Variants in LRRC42 observed in about 807,000 individuals in gnomAD.
LRRC42 encodes the protein leucine-rich repeat-containing protein 42.
In LRRC42, 43 loss-of-function variants were observed where a neutral mutation model predicts 44.3. That is an observed-to-expected ratio of 0.97 (90% CI 0.76 to 1.25). LRRC42 has a LOEUF of 1.25. LRRC42 is among the 50% of genes most tolerant of loss of function. LRRC42 has a pLI of 0.00. For synonymous variants in LRRC42, 207 were observed against 195.2 expected (o/e 1.06, Z -0.50); for missense variants, 540 against 509.1 (o/e 1.06, Z -0.58).
intron 2 of LRRC42, among the ~76,000 whole-genome samples, chr1:53,951,586 G>A (rs1654681696): frequency 6.6e-6 from 1 of 152,088 alleles, no homozygotes; most frequent in Non-Finnish European, 1.5e-5. Flanking sequence ...TACCACGCTC[G>A]GCTAATTTTT....
chr1:53,947,037 A>T (rs1200391094), intron 1 of LRRC42, among the ~76,000 whole-genome samples: 2 of 149,444 alleles, frequency 1.3e-5, no homozygotes, highest in African/African-American at 4.9e-5. Flanking sequence ...GGATGGAGAG[A>T]TTGGGGTCCT....
chr1:53,962,308 G>T lies in LRRC42; in HGVS notation c.826G>T (p.Val276Phe), dbSNP rs763407640. ...SGTGLKDIKT[V>F]KHKLQTHIGL... ...TCTGCCTCACTAGGACATCAAAACC[G>T]TCAAGCACAAGCTCCAGACCCACAT... Residue 276 changes from valine to phenylalanine, a missense_variant, in exon 7 of 9, where the codon GTC (valine) becomes TTC (phenylalanine). By Grantham distance (50) the Val-to-Phe change is conservative. Coordinates refer to ENST00000371370, the MANE Select transcript of LRRC42 (RefSeq NM_001256409.2). 1 of 1,613,528 alleles carries T rather than the reference G, an allele frequency of 6.2e-7. No homozygotes were observed. The highest frequency in any genetic ancestry group is 1.3e-5 in the African/African-American group (1 of 74,934).
At chr1:53,963,584 G>T (rs973344412) in intron 7 of LRRC42, among the ~76,000 whole-genome samples, 1 of 152,210 alleles carries the variant, frequency 6.6e-6, no homozygotes, top group Non-Finnish European at 1.5e-5. Context: ...ACACCTAGCA[G>T]CCTGGCCTGA....
chr1:53,950,953 A>G (rs749995312), intron 2 of LRRC42, among the ~76,000 whole-genome samples: 1 of 152,232 alleles, frequency 6.6e-6, no homozygotes, highest in African/African-American at 2.4e-5. Flanking sequence ...TGGTCTTTGT[A>G]AAGTTTAGCA....
At chr1:53,946,816 G>A (rs995051860) in intron 1 of LRRC42, among the ~76,000 whole-genome samples, 3 of 151,816 alleles carry the variant, frequency 2.0e-5, no homozygotes, top group African/African-American at 7.3e-5. Flanking sequence ...GTGGACTCGG[G>A]GAGAGGCATG....
intron 2 of LRRC42, among the ~76,000 whole-genome samples, chr1:53,951,239 C>T (rs1270919366): frequency 6.6e-6 from 1 of 152,260 alleles, no homozygotes; most frequent in East Asian, 1.9e-4. Context: ...GGCTTTATCA[C>T]ATTCCATGGT....
At position 53,952,010 on chromosome 1, in the gene LRRC42, A is replaced by C; in HGVS notation, c.11A>C (p.Tyr4Ser). Residue 4 changes from tyrosine to serine, a missense_variant, in exon 3 of 9, where the codon TAC (tyrosine) becomes TCC (serine). Tyr to Ser is a moderately radical substitution (Grantham distance 144, BLOSUM62 -2). Transcript: ENST00000371370. ...GTTGCAACCAAGGCAATGTCTTACTACCTCAGCTCAGAAAACCACCTGGAC... is the reference window on the plus strand; with the variant it reads ...GTTGCAACCAAGGCAATGTCTTACTCCCTCAGCTCAGAAAACCACCTGGAC... MSYYLSSENHLDPG... is the reference protein window; with the variant it reads MSYSLSSENHLDPG... 3.7e-6 allele frequency: 6 copies of C among 1,613,356 alleles called. No individual in the cohort carries two copies. Among genetic ancestry groups the C allele is most frequent in the Non-Finnish European group, 5.1e-6 (6 of 1,179,818 alleles).
In LRRC42 at chr1:53,967,840, T is replaced by G; in HGVS notation, c.1188T>G (p.Phe396Leu). 6.2e-7 allele frequency: 1 copy of G among 1,614,002 alleles called. No homozygotes were observed. Among genetic ancestry groups the G allele is most frequent in the East Asian group, 2.2e-5 (1 of 44,886 alleles). The change falls in exon 9 of 9, where the codon TTT becomes TTG. Residue 396 changes from phenylalanine to leucine, a missense_variant. Transcript: ENST00000371370. ...QESKKSKKRP[F>L]EESETEQNNS... ...CAAAGAAGAGCAAGAAGAGACCTTTTGAGGAGTCAGAGACAGAACAGAATA... is the reference window on the plus strand; with the variant it reads ...CAAAGAAGAGCAAGAAGAGACCTTTGGAGGAGTCAGAGACAGAACAGAATA...
intron 3 of LRRC42, among the ~76,000 whole-genome samples, chr1:53,955,722 G>A (rs575146792): frequency 6.9e-5 from 10 of 145,022 alleles, no homozygotes; most frequent in South Asian, 6.6e-4. Context: ...TCCACCTCCC[G>A]GGTTCACGCA....
chr1:53,953,337 A>AT (rs1398028443), intron 3 of LRRC42, among the ~76,000 whole-genome samples: 1 of 152,134 alleles, frequency 6.6e-6, no homozygotes, highest in Non-Finnish European at 1.5e-5. Context: ...TTTGAAAATC[A>AT]TTTATCATCA....
intron 3 of LRRC42, among the ~76,000 whole-genome samples, chr1:53,956,312 T>C (rs1361677776): frequency 6.6e-6 from 1 of 152,242 alleles, no homozygotes. Context: ...TGATTTTTAA[T>C]CCCACTGGTG....
Position 53,958,139 on chromosome 1 carries a change from C to T in LRRC42, c.474-10C>T, listed in dbSNP as rs193163627. On this transcript the variant is annotated splice_polypyrimidine_tract_variant and intron_variant, in intron 3 of 8. Coordinates refer to ENST00000371370, the MANE Select transcript of LRRC42 (RefSeq NM_001256409.2). ...AGGGGAAGCTATTGATTGCTCTCCA[C>T]GCTCCGTAGGTATCTCGTGATTTCA... 161 of 1,613,098 alleles carry T rather than the reference C, an allele frequency of 1.0e-4. No homozygotes were observed. The East Asian group carries it at 2.4e-3, about 24-fold the overall frequency.
At position 53,968,047 on chromosome 1, in the gene LRRC42, G is replaced by A; in HGVS notation, c.*108G>A. The stretch of plus-strand genomic sequence containing the variant: ...TGAATTTACCTATGGCATTAGCATA[G>A]TAAGCAGATATTTCTACTTTTGTGG... On this transcript the variant is annotated 3_prime_UTR_variant, in exon 9 of 9. Coordinates refer to ENST00000371370, the MANE Select transcript of LRRC42 (RefSeq NM_001256409.2). 1 of 1,166,570 alleles carries A rather than the reference G, an allele frequency of 8.6e-7. No homozygotes were observed. The highest frequency in any genetic ancestry group is 1.5e-5 in the South Asian group (1 of 65,772). 72.3% of individuals were successfully genotyped at this position (1,166,570 alleles called of 1,614,324 possible).
chr1:53,958,095 T>C, intron 3 of LRRC42, 54 bp from the exon 4 acceptor site: 1 of 1,604,624 alleles, frequency 6.2e-7, no homozygotes, highest in South Asian at 1.1e-5. Context: ...CCACAAATGG[T>C]AATGCTTTAA....
chr1:53,954,708 C>T (rs1013542165), intron 3 of LRRC42, among the ~76,000 whole-genome samples: 7 of 152,270 alleles, frequency 4.6e-5, no homozygotes, highest in East Asian at 1.9e-4. Flanking sequence ...TTGAAAACGC[C>T]GTTTATCCAT....
intron 3 of LRRC42, among the ~76,000 whole-genome samples, chr1:53,953,358 AT>A (rs974799201): frequency 6.6e-6 from 1 of 151,602 alleles, no homozygotes; most frequent in Non-Finnish European, 1.5e-5. Context: ...ATACTTGTAG[AT>A]TTTTTTTTGT....
Position 53,960,491 on chromosome 1 carries a change from A to G in LRRC42, c.724+17A>G, listed in dbSNP as rs1161813186. On this transcript the variant is annotated intron_variant, in intron 5 of 8. Coordinates refer to ENST00000371370, the MANE Select transcript of LRRC42 (RefSeq NM_001256409.2). ...ACTTATCATGTAAGTTTTCTTCGAA[A>G]TTATAGATTATTTTAATGTTGGAAG... 4 of 1,497,416 alleles carry G rather than the reference A, an allele frequency of 2.7e-6. No individual in the cohort carries two copies. The highest frequency in any genetic ancestry group is 3.7e-6 in the Non-Finnish European group (4 of 1,079,258). 92.8% of individuals were successfully genotyped at this position (1,497,416 alleles called of 1,614,324 possible). A position where few individuals can be genotyped will look rare whatever the true frequency, so the allele number is the denominator to read the frequency against.
chr1:53,963,044 C>A (rs954467643), intron 7 of LRRC42, among the ~76,000 whole-genome samples: 1 of 152,062 alleles, frequency 6.6e-6, no homozygotes, highest in East Asian at 1.9e-4. Context: ...TAGATGCCAC[C>A]TTCCCTGTGG....
At chr1:53,964,350 T>G (rs1303174103) in intron 7 of LRRC42, among the ~76,000 whole-genome samples, 2 of 152,144 alleles carry the variant, frequency 1.3e-5, no homozygotes. Flanking sequence ...CTTTCACTGT[T>G]CTCAGAGCTC....
Sources: allele counts gnomAD v4.1 joint callset (sites outside exome capture counted in the v4.1 genomes callset), GRCh38; gene constraint gnomAD v4.1.1; transcripts MANE v1.5; gene names NCBI Gene and HGNC (gene_info 2026-07-23, HGNC 2026-07-21).